The following KATNA1 variants were observed in gnomAD, a reference collection of about 807,000 sequenced individuals.
KATNA1 encodes the protein katanin p60 ATPase-containing subunit A1.
A neutral mutation model predicts 62.6 loss-of-function variants in KATNA1; 42 were observed. The ratio of observed to expected loss-of-function variants is 0.67; its 90% CI spans 0.52 to 0.87. The LOEUF (loss-of-function observed/expected upper bound fraction) is 0.87, where lower values mean the gene tolerates loss of function less well. Among genes scored for constraint, KATNA1 ranks in the 40% least tolerant of loss-of-function variants. The pLI, the probability that KATNA1 is intolerant of heterozygous loss-of-function variation, is 0.00. For missense variants in KATNA1, 498 were observed against 612.5 expected, an observed-to-expected ratio of 0.81 and a Z score of 1.97; for synonymous variants, 186 against 201.9, an observed-to-expected ratio of 0.92 and a Z score of 0.67.
At chr6:149,600,172 G>GA (rs1778481833) in intron 7 of KATNA1, among the ~76,000 whole-genome samples, 1 of 128,504 alleles carries the variant, frequency 7.8e-6, no homozygotes, top group Non-Finnish European at 1.6e-5. Context: ...TACAACCTGT[G>GA]CAATATAGTG....
intron 2 of KATNA1, among the ~76,000 whole-genome samples, chr6:149,636,065 C>T (rs1018495048): frequency 6.6e-6 from 1 of 151,662 alleles, no homozygotes; most frequent in Admixed American, 6.6e-5. Flanking sequence ...CAAAAGAAAA[C>T]AAACCAGAAA....
chr6:149,635,800 C>A (rs1221115142), intron 2 of KATNA1, among the ~76,000 whole-genome samples: 1 of 149,624 alleles, frequency 6.7e-6, no homozygotes, highest in Admixed American at 6.6e-5. Flanking sequence ...CTCATGCCTG[C>A]AATCCCAGCA....
chr6:149,633,100 AT>A (rs368739065), intron 2 of KATNA1, among the ~76,000 whole-genome samples, 184 bp from the exon 3 acceptor site: 83 of 120,736 alleles, frequency 6.9e-4, no homozygotes, highest in Middle Eastern at 4.3e-3. Flanking sequence ...TTCAATTGCA[AT>A]TTTTTTTTTT....
chr6:149,612,245 C>T (rs112579214), intron 4 of KATNA1, among the ~76,000 whole-genome samples: 4,234 of 151,842 alleles, frequency 0.028, 222 homozygotes, highest in African/African-American at 0.095. Flanking sequence ...TGGTGGCTCA[C>T]CCCTATAATC....
chr6:149,638,719 A>G (rs1307901414), intron 1 of KATNA1, 159 bp from the exon 2 acceptor site: 4 of 260,970 alleles, frequency 1.5e-5, no homozygotes, highest in African/African-American at 6.8e-5. Context: ...CACTCCTTTA[A>G]AAAAAACATT....
chr6:149,618,307 G>A (rs1017651654), intron 4 of KATNA1, among the ~76,000 whole-genome samples: 3 of 151,528 alleles, frequency 2.0e-5, no homozygotes, highest in Admixed American at 6.6e-5. Flanking sequence ...GTGAAACCCC[G>A]TCTCTACTAA....
intron 4 of KATNA1, among the ~76,000 whole-genome samples, chr6:149,618,862 G>A (rs1384428609): frequency 6.6e-6 from 1 of 152,182 alleles, no homozygotes; most frequent in African/African-American, 2.4e-5. Flanking sequence ...GTTTACACCT[G>A]AAACTATGAA....
intron 4 of KATNA1, among the ~76,000 whole-genome samples, chr6:149,620,268 C>T (rs1308303706): frequency 6.6e-6 from 1 of 152,036 alleles, no homozygotes; most frequent in Non-Finnish European, 1.5e-5. Flanking sequence ...TTCTAGTGTT[C>T]TATAGTGCTA....
Position 149,597,504 on chromosome 6 carries a change from T to C in KATNA1, c.1150+3A>G, listed in dbSNP as rs747742849. On this transcript the variant is annotated splice_donor_region_variant and intron_variant, in intron 9 of 10. Transcript: ENST00000367411. ...CTTTCTGACAAGATTGAAAGGAAGA[T>C]ACCTGACGGCAAAGGAATATAGATT... 1.2e-6 allele frequency: 2 copies of C among 1,613,756 alleles called. No homozygotes were observed. Among genetic ancestry groups the C allele is most frequent in the South Asian group, 1.1e-5 (1 of 90,932 alleles).
chr6:149,604,533 ATG>A, intron 5 of KATNA1, 126 bp downstream of exon 5: 1 of 972,814 alleles, frequency 1.0e-6, no homozygotes, highest in Non-Finnish European at 1.6e-6. Context: ...CAGGGAAGTC[ATG>A]CTCACGCTGC....
In KATNA1 at chr6:149,623,163, G is replaced by A. The variant is rs1220994999; in HGVS notation, c.441C>T (p.Asp147=). The A allele has an allele frequency of 1.9e-5, 30 of 1,612,570 alleles. No individual in the cohort carries two copies. The Middle Eastern group carries it at 4.9e-4, about 27-fold the overall frequency. Residue 147 remains aspartate, a synonymous_variant, in exon 4 of 11, where the codon GAC becomes GAT. Transcript: ENST00000367411. Reference sequence around the variant, plus strand: ...CACGACAACGAACAGCTTTCCCTCTGTCATTGTGAACATTCTGTGCAGATG... The same window carrying A: ...CACGACAACGAACAGCTTTCCCTCTATCATTGTGAACATTCTGTGCAGATG... ...HRSSAQNVHN[D]RGKAVRCREK...
intron 3 of KATNA1, among the ~76,000 whole-genome samples, chr6:149,627,681 C>A (rs1353165954): frequency 3.6e-4 from 54 of 148,012 alleles, no homozygotes; most frequent in East Asian, 6.0e-4. Context: ...GACTCTGTCT[C>A]AAAAAAAAAG....
intron 7 of KATNA1, among the ~76,000 whole-genome samples, chr6:149,599,971 A>G (rs925599396): frequency 6.6e-6 from 1 of 152,036 alleles, no homozygotes; most frequent in Non-Finnish European, 1.5e-5. Context: ...GCCAAATATT[A>G]ATCTTTGGAC....
intron 3 of KATNA1, among the ~76,000 whole-genome samples, chr6:149,628,813 C>T (rs1189848831): frequency 6.8e-6 from 1 of 147,228 alleles, no homozygotes; most frequent in Non-Finnish European, 1.5e-5. Flanking sequence ...GAGCGAGACT[C>T]CATCTCAAAA....
At chr6:149,609,244 GAC>G (rs1279195830) in intron 4 of KATNA1, among the ~76,000 whole-genome samples, 3 of 151,466 alleles carry the variant, frequency 2.0e-5, no homozygotes, top group South Asian at 2.1e-4. Flanking sequence ...GAAAACCAAA[GAC>G]ACAGAAAAAA....
chr6:149,625,123 T>C (rs1235106613), intron 3 of KATNA1, among the ~76,000 whole-genome samples: 3 of 152,240 alleles, frequency 2.0e-5, no homozygotes, highest in East Asian at 1.9e-4. Flanking sequence ...ATAGAAGATA[T>C]GAATACCAGT....
chr6:149,599,646 T>C (rs1326538720), intron 7 of KATNA1, among the ~76,000 whole-genome samples: 1 of 152,038 alleles, frequency 6.6e-6, no homozygotes, highest in Admixed American at 6.6e-5. Context: ...GCCTCCCAAG[T>C]AGCTGGGATT....
chr6:149,634,024 A>G (rs554246471), intron 2 of KATNA1, among the ~76,000 whole-genome samples: 5 of 152,024 alleles, frequency 3.3e-5, no homozygotes, highest in African/African-American at 1.2e-4. Context: ...TGTAATCTCA[A>G]CACTTTGGGA....
intron 1 of KATNA1, among the ~76,000 whole-genome samples, chr6:149,645,069 T>C (rs746215741): frequency 5.3e-5 from 8 of 152,212 alleles, no homozygotes; most frequent in African/African-American, 7.2e-5. Context: ...TCTTTATCAT[T>C]GCTAAAATTC....
Sources: allele counts gnomAD v4.1 joint callset (sites outside exome capture counted in the v4.1 genomes callset), GRCh38; gene constraint gnomAD v4.1.1; transcripts MANE v1.5; gene names NCBI Gene and HGNC (gene_info 2026-07-23, HGNC 2026-07-21).